SH3GL3: variants seen among roughly 807,000 people sequenced by gnomAD.
SH3GL3 encodes endophilin-A3.
In SH3GL3, 33 loss-of-function variants were observed where a neutral mutation model predicts 47.7. That is an observed-to-expected ratio of 0.69 (90% CI 0.52 to 0.92). SH3GL3 has a LOEUF of 0.92. Ranked by LOEUF, SH3GL3 falls within the 40% of genes least tolerant of loss-of-function variation. The pLI, the probability that SH3GL3 is intolerant of heterozygous loss-of-function variation, is 0.00. For missense variants in SH3GL3, 363 were observed against 417.8 expected (o/e 0.87, Z 1.14); for synonymous variants, 155 against 148.8 (o/e 1.04, Z -0.30).
chr15:83,503,139 T>C lies in SH3GL3; in HGVS notation c.45+55561T>C, dbSNP rs998381914. ...GTATTTCATACATCACTTATGTTCA[T>C]TGATGAAACATTATAAAATACAAAA... On this transcript the variant is annotated intron_variant, in intron 1 of 8. Coordinates refer to ENST00000427482, the MANE Select transcript of SH3GL3 (RefSeq NM_003027.5). Among the ~76,000 whole-genome samples, 10 of 152,298 alleles carry C rather than the reference T, an allele frequency of 6.6e-5. No individual in the cohort carries two copies. The East Asian group carries it at 1.9e-3, about 29-fold the overall frequency.
chr15:83,584,270 T>C (rs1220093889), intron 6 of SH3GL3, among the ~76,000 whole-genome samples: 1 of 152,204 alleles, frequency 6.6e-6, no homozygotes, highest in Non-Finnish European at 1.5e-5. Flanking sequence ...ATATCTTCTC[T>C]GACCTTGGCA....
At chr15:83,616,489 GCCTCAGCCT>G (rs2060822551) in intron 8 of SH3GL3, among the ~76,000 whole-genome samples, 2 of 151,970 alleles carry the variant, frequency 1.3e-5, no homozygotes, top group African/African-American at 4.8e-5. Context: ...TGATCCGCCC[GCCTCAGCCT>G]CCCAAAGTGC....
Position 83,447,601 on chromosome 15 carries a change from A to G in SH3GL3, c.45+23A>G. The G allele has an allele frequency of 6.7e-7, 1 of 1,482,676 alleles. No homozygotes were observed. Among genetic ancestry groups the G allele is most frequent in the Non-Finnish European group, 9.0e-7 (1 of 1,108,274 alleles). 91.8% of individuals were successfully genotyped at this position (1,482,676 alleles called of 1,614,324 possible). On this transcript the variant is annotated intron_variant, in intron 1 of 8. Transcript: ENST00000427482. The surrounding 1 kb of genome is among the most constrained non-coding windows in gnomAD (Gnocchi z 5.1). Reference sequence around the variant, plus strand: ...CAGGTAGGGAGGCGCAGAGGAGGGAAGGAGGGAGGGGGACGCGGAGGCTGC... The same window carrying G: ...CAGGTAGGGAGGCGCAGAGGAGGGAGGGAGGGAGGGGGACGCGGAGGCTGC...
intron 8 of SH3GL3, among the ~76,000 whole-genome samples, chr15:83,600,502 G>A (rs183233739): frequency 3.9e-5 from 6 of 152,200 alleles, no homozygotes; most frequent in East Asian, 1.9e-4. Flanking sequence ...TTGGCTGTAC[G>A]TATTTGGCTT....
the SH3GL3 span, among the ~76,000 whole-genome samples, chr15:83,628,851 A>T: frequency 6.6e-6 from 1 of 152,188 alleles, no homozygotes; most frequent in Non-Finnish European, 1.5e-5. Flanking sequence ...AAAAAAAAAC[A>T]ACCAAAAAAC....
intron 4 of SH3GL3, among the ~76,000 whole-genome samples, chr15:83,571,813 G>A (rs1366727491): frequency 6.6e-6 from 1 of 152,162 alleles, no homozygotes; most frequent in African/African-American, 2.4e-5. Flanking sequence ...ATTTCCCAGG[G>A]ATGTTTTCTA....
At chr15:83,603,397 C>A (rs558631922) in intron 8 of SH3GL3, among the ~76,000 whole-genome samples, 1 of 152,202 alleles carries the variant, frequency 6.6e-6, no homozygotes, top group Non-Finnish European at 1.5e-5. Context: ...TTAAGACTTT[C>A]ATTTCTTTCC....
chr15:83,524,642 G>A (rs369888714), intron 1 of SH3GL3, among the ~76,000 whole-genome samples: 1 of 151,780 alleles, frequency 6.6e-6, no homozygotes, highest in East Asian at 1.9e-4. Context: ...GCACTCATTA[G>A]CTAACCTTTC....
chr15:83,460,394 A>C (rs1387650088), intron 1 of SH3GL3, among the ~76,000 whole-genome samples: 3 of 151,954 alleles, frequency 2.0e-5, no homozygotes, highest in Non-Finnish European at 4.4e-5. Flanking sequence ...TTCTTCTATA[A>C]TGTGGTATAT....
intron 6 of SH3GL3, among the ~76,000 whole-genome samples, chr15:83,581,173 T>C (rs544576563): frequency 1.3e-5 from 2 of 152,222 alleles, no homozygotes; most frequent in Non-Finnish European, 2.9e-5. Flanking sequence ...CTCTGACTGA[T>C]GTGAGGAGAA....
intron 1 of SH3GL3, among the ~76,000 whole-genome samples, chr15:83,530,851 C>A (rs2151675738): frequency 6.6e-6 from 1 of 152,134 alleles, no homozygotes; most frequent in Non-Finnish European, 1.5e-5. Flanking sequence ...TTCTTTTTTA[C>A]CTTTTAAACT....
At chr15:83,530,285 A>G (rs557290962) in intron 1 of SH3GL3, among the ~76,000 whole-genome samples, 1 of 152,254 alleles carries the variant, frequency 6.6e-6, no homozygotes, top group South Asian at 2.1e-4. Context: ...CTCAGGGCCC[A>G]GGAGGATAGA....
chr15:83,478,273 T>A (rs1567253286), intron 1 of SH3GL3, among the ~76,000 whole-genome samples: 1 of 152,052 alleles, frequency 6.6e-6, no homozygotes, highest in Non-Finnish European at 1.5e-5. Context: ...GCACAGAGAT[T>A]TGGGATTCAG....
intron 1 of SH3GL3, among the ~76,000 whole-genome samples, chr15:83,459,123 A>G (rs1254269488): frequency 6.6e-6 from 1 of 152,188 alleles, no homozygotes; most frequent in Admixed American, 6.5e-5. Context: ...CGAGGGCAGG[A>G]AGCATCCAGC....
intron 1 of SH3GL3, among the ~76,000 whole-genome samples, chr15:83,475,393 C>T (rs1013766031): frequency 1.3e-5 from 2 of 152,010 alleles, no homozygotes; most frequent in African/African-American, 4.8e-5. Context: ...ACAGGAGAAT[C>T]GTTTGAACCT....
chr15:83,499,079 C>T (rs1390639438), intron 1 of SH3GL3, among the ~76,000 whole-genome samples: 1 of 152,124 alleles, frequency 6.6e-6, no homozygotes, highest in African/African-American at 2.4e-5. Context: ...TTTCCTTCCT[C>T]TTCCCCCACC....
chr15:83,545,362 T>G (rs977497208), intron 1 of SH3GL3, among the ~76,000 whole-genome samples: 1 of 152,342 alleles, frequency 6.6e-6, no homozygotes, highest in Non-Finnish European at 1.5e-5. Flanking sequence ...GCTTAGTTCT[T>G]TTTAATGATT....
intron 1 of SH3GL3, among the ~76,000 whole-genome samples, chr15:83,555,364 T>C (rs571163142): frequency 2.1e-4 from 32 of 152,322 alleles, no homozygotes; most frequent in Admixed American, 7.8e-4. Context: ...AGTGAATTCA[T>C]GTTATGTTAT....
intron 1 of SH3GL3, among the ~76,000 whole-genome samples, chr15:83,514,447 CAG>C (rs1307867987): frequency 3.3e-5 from 5 of 151,900 alleles, no homozygotes; most frequent in African/African-American, 9.7e-5. Flanking sequence ...AAAAGAGAGA[CAG>C]AGAAAATTGA....
Sources: allele counts gnomAD v4.1 joint callset (sites outside exome capture counted in the v4.1 genomes callset), GRCh38; gene constraint gnomAD v4.1.1; non-coding constraint Gnocchi (gnomAD v3.1); transcripts MANE v1.5; gene names NCBI Gene and HGNC (gene_info 2026-07-23, HGNC 2026-07-21).